The following ATP2C1 variants were observed in gnomAD, a reference collection of about 807,000 sequenced individuals.
ATP2C1 encodes calcium-transporting ATPase type 2C member 1.
Under a neutral mutation model 120.5 loss-of-function variants are expected in ATP2C1, and 31 were observed. That is an observed-to-expected ratio of 0.26 (90% confidence interval 0.19 to 0.35). The LOEUF (loss-of-function observed/expected upper bound fraction) is 0.35. Ranked by LOEUF, ATP2C1 falls within the 10% of genes least tolerant of loss-of-function variation. The pLI, the probability that ATP2C1 is intolerant of heterozygous loss-of-function variation, is 1.00. For missense variants in ATP2C1, 731 were observed against 1,107.5 expected (o/e 0.66, Z 4.83); for synonymous variants, 351 against 358.7 (o/e 0.98, Z 0.24).
rs548255370 is a variant in ATP2C1, at chr3:130,859,315, T to C, written c.108+8387T>C. On this transcript the variant is annotated intron_variant, in intron 1 of 26. Transcript: ENST00000504381. ...AGTAGCATGTAATTCTCCGTCAAGG[T>C]AAAAAACAAAAGTTACATCTAGCAA... is the stretch of plus-strand genomic sequence containing the variant. Among the ~76,000 whole-genome samples, 11 of 152,270 alleles carry C rather than the reference T, an allele frequency of 7.2e-5. No homozygotes were observed. The South Asian group carries it at 2.3e-3, about 32-fold the overall frequency.
chr3:130,944,145 C>T lies in ATP2C1; in HGVS notation c.531+2446C>T, dbSNP rs116816737. ...GAACTTCTGCTATGTAGTTAGTTCT[C>T]TTACAGACTAGGCCTAAAGCCACAG... On this transcript the variant is annotated intron_variant, in intron 8 of 27. Transcript: ENST00000510168. Among the ~76,000 whole-genome samples the T allele has an allele frequency of 8.2e-3, 1,256 of 152,314 alleles. 16 individuals are homozygous for T. Among genetic ancestry groups the T allele is most frequent in the African/African-American group, 0.029 (1,191 of 41,554 alleles).
chr3:131,004,958 T>G (rs2108990749), downstream of ATP2C1, among the ~76,000 whole-genome samples: 1 of 152,274 alleles, frequency 6.6e-6, no homozygotes, highest in East Asian at 1.9e-4. Context: ...GTTTGGATTT[T>G]TGTATCGTAA....
chr3:130,919,031 A>G, intron 2 of ATP2C1: 1 of 473,936 alleles, frequency 2.1e-6, no homozygotes, highest in South Asian at 1.6e-5. Context: ...TAGCGGTGGA[A>G]GCTCCTGCCA....
intron 2 of ATP2C1, among the ~76,000 whole-genome samples, chr3:130,895,642 C>T (rs2069554737): frequency 6.6e-6 from 1 of 152,064 alleles, no homozygotes; most frequent in African/African-American, 2.4e-5. Flanking sequence ...GTTTTTTCCT[C>T]TGGTATAATT....
intron 8 of ATP2C1, among the ~76,000 whole-genome samples, chr3:130,946,063 G>A: frequency 6.6e-6 from 1 of 152,098 alleles, no homozygotes; most frequent in African/African-American, 2.4e-5. Context: ...GCTTATAGTT[G>A]GCCCCCATCA....
intron 6 of ATP2C1, among the ~76,000 whole-genome samples, chr3:130,938,652 G>A (rs1039345198): frequency 2.0e-5 from 3 of 152,198 alleles, no homozygotes; most frequent in Non-Finnish European, 4.4e-5. Flanking sequence ...CCATGGTCAG[G>A]TGGAGCTGGT....
intron 8 of ATP2C1, among the ~76,000 whole-genome samples, chr3:130,945,201 C>T (rs1345668749): frequency 6.6e-6 from 1 of 151,626 alleles, no homozygotes; most frequent in Non-Finnish European, 1.5e-5. Context: ...TTTTTTTTTC[C>T]CCCGAGGGTT....
chr3:130,977,955 A>G (rs1194791312), intron 18 of ATP2C1, among the ~76,000 whole-genome samples: 2 of 152,192 alleles, frequency 1.3e-5, no homozygotes, highest in East Asian at 3.8e-4. Context: ...TCCACATGAA[A>G]AAAGTTTACC....
At chr3:130,967,916 C>G (rs1033807342) in intron 16 of ATP2C1, among the ~76,000 whole-genome samples, 1 of 152,154 alleles carries the variant, frequency 6.6e-6, no homozygotes, top group African/African-American at 2.4e-5. Context: ...TCTCAGTTAA[C>G]TTTTCATCTG....
chr3:130,907,659 G>T (rs888160453), intron 2 of ATP2C1, among the ~76,000 whole-genome samples: 4 of 150,458 alleles, frequency 2.7e-5, no homozygotes, highest in African/African-American at 9.7e-5. Context: ...ATAATGTTTT[G>T]ATTACTGTAG....
At chr3:130,986,171 T>C (rs2062002393) in intron 20 of ATP2C1, among the ~76,000 whole-genome samples, 1 of 136,722 alleles carries the variant, frequency 7.3e-6, no homozygotes, top group Non-Finnish European at 1.5e-5. Flanking sequence ...GGTGTTTATA[T>C]ATTTGAATAG....
At chr3:130,965,787 A>G (rs1219415970) in intron 14 of ATP2C1, among the ~76,000 whole-genome samples, 1 of 152,012 alleles carries the variant, frequency 6.6e-6, no homozygotes, top group East Asian at 1.9e-4. Flanking sequence ...TTGTCTTAGC[A>G]TTTCATACCT....
intron 2 of ATP2C1, among the ~76,000 whole-genome samples, chr3:130,921,913 T>C (rs917943205): frequency 2.0e-5 from 3 of 152,188 alleles, no homozygotes; most frequent in African/African-American, 7.2e-5. Context: ...AGGATATTGG[T>C]CTGTAATTTT....
chr3:130,973,956 A>T (rs1334878774), intron 17 of ATP2C1, among the ~76,000 whole-genome samples: 3 of 152,176 alleles, frequency 2.0e-5, no homozygotes, highest in Admixed American at 2.0e-4. Flanking sequence ...AAAGACTTAA[A>T]ATTCAGTGAG....
intron 5 of ATP2C1, 103 bp downstream of exon 5, chr3:130,934,814 C>A: frequency 1.3e-6 from 1 of 793,286 alleles, no homozygotes; most frequent in Non-Finnish European, 2.1e-6. Context: ...AGATTTTTTT[C>A]AGTGTCCAAA....
At chr3:130,883,839 T>C (rs941194243) in intron 1 of ATP2C1, among the ~76,000 whole-genome samples, 60 of 152,206 alleles carry the variant, frequency 3.9e-4, no homozygotes, top group African/African-American at 1.3e-3. Flanking sequence ...TCTTTCAATG[T>C]ATCTGATATG....
At chr3:130,889,845 T>C (rs1465113753), upstream of ATP2C1, among the ~76,000 whole-genome samples, 1 of 151,938 alleles carries the variant, frequency 6.6e-6, no homozygotes, top group Non-Finnish European at 1.5e-5. Flanking sequence ...AGGATCTCAC[T>C]ATGTGGTCAA....
chr3:130,941,569 T>A (rs757236908), intron 7 of ATP2C1, 22 bp from the exon 8 acceptor site: 12 of 1,591,490 alleles, frequency 7.5e-6, no homozygotes, highest in African/African-American at 1.3e-5. Context: ...TTAACCATGG[T>A]TGTTTCTATT....
chr3:130,905,768 A>G (rs1220722746), intron 2 of ATP2C1, among the ~76,000 whole-genome samples: 1 of 152,076 alleles, frequency 6.6e-6, no homozygotes, highest in Non-Finnish European at 1.5e-5. Context: ...GGATTTGCTT[A>G]AGGTTGGGTA....
Sources: allele counts gnomAD v4.1 joint callset (sites outside exome capture counted in the v4.1 genomes callset), GRCh38; gene constraint gnomAD v4.1.1; transcripts MANE v1.5; gene names NCBI Gene and HGNC (gene_info 2026-07-23, HGNC 2026-07-21).